BBS9: variants seen among roughly 807,000 people sequenced by gnomAD.
The protein encoded by BBS9 is protein PTHB1.
A neutral mutation model predicts 117.7 loss-of-function variants in BBS9; 89 were observed. The observed-to-expected ratio is 0.76, with a 90% CI of 0.64 to 0.90. BBS9 has a LOEUF of 0.90. Among genes scored for constraint, BBS9 ranks in the 40% least tolerant of loss-of-function variants. The pLI is 0.00. For missense variants in BBS9, 982 were observed against 1,042.2 expected, an observed-to-expected ratio of 0.94 and a Z score of 0.80; for synonymous variants, 379 against 370.9, an observed-to-expected ratio of 1.02 and a Z score of -0.25.
intron 8 of BBS9, 98 bp downstream of exon 8, chr7:33,273,293 G>T: frequency 8.0e-7 from 1 of 1,250,224 alleles, no homozygotes; most frequent in South Asian, 1.3e-5. Context: ...AAACATATAT[G>T]AAAACAGTTT....
chr7:33,151,850 CTTT>C (rs11346140), intron 2 of BBS9, among the ~76,000 whole-genome samples: 2 of 82,350 alleles, frequency 2.4e-5, no homozygotes, highest in African/African-American at 4.5e-5. Flanking sequence ...TGCACCCAGC[CTTT>C]TTTTTTTTTT....
chr7:33,327,012 C>T (rs1341844702), intron 9 of BBS9, among the ~76,000 whole-genome samples: 2 of 152,014 alleles, frequency 1.3e-5, no homozygotes, highest in East Asian at 3.9e-4. Flanking sequence ...AGTCTTTTGC[C>T]CTCCATGTCC....
At chr7:33,318,078 C>T (rs1022008057) in intron 9 of BBS9, among the ~76,000 whole-genome samples, 1 of 152,104 alleles carries the variant, frequency 6.6e-6, no homozygotes, top group Non-Finnish European at 1.5e-5. Context: ...CAGAACAAAA[C>T]AAAACTCTGT....
intron 20 of BBS9, among the ~76,000 whole-genome samples, chr7:33,515,555 G>A (rs1156455508): frequency 1.3e-5 from 2 of 152,214 alleles, no homozygotes; most frequent in Admixed American, 6.5e-5. Flanking sequence ...TACGTTGCCT[G>A]AAGTTAAGAA....
intron 17 of BBS9, among the ~76,000 whole-genome samples, chr7:33,368,652 T>G (rs1250441107): frequency 6.7e-6 from 1 of 149,980 alleles, no homozygotes; most frequent in Non-Finnish European, 1.5e-5. Flanking sequence ...CTCAGGACAT[T>G]CCAATTAAAA....
intron 4 of BBS9, among the ~76,000 whole-genome samples, chr7:33,165,195 T>G (rs1795476119): frequency 6.6e-6 from 1 of 152,218 alleles, no homozygotes. Context: ...TGCCGAGAGA[T>G]CCGCTGTTAG....
chr7:33,527,053 G>C (rs1486314865), intron 20 of BBS9, among the ~76,000 whole-genome samples: 1 of 151,634 alleles, frequency 6.6e-6, no homozygotes, highest in South Asian at 2.1e-4. Flanking sequence ...TCCCAGTTAG[G>C]CTGCTCGGGG....
chr7:33,493,238 C>T (rs943880357), intron 19 of BBS9, among the ~76,000 whole-genome samples: 1 of 152,168 alleles, frequency 6.6e-6, no homozygotes, highest in Non-Finnish European at 1.5e-5. Context: ...CAAGTGATCG[C>T]CTGCCTTGGC....
chr7:33,258,325 A>C (rs1189705577), intron 6 of BBS9, among the ~76,000 whole-genome samples: 1 of 152,224 alleles, frequency 6.6e-6, no homozygotes, highest in Non-Finnish European at 1.5e-5. Flanking sequence ...ATCAGGCAAC[A>C]GATGTAAATT....
intron 14 of BBS9, 116 bp from the exon 15 acceptor site, chr7:33,352,743 A>C (rs1289207599): frequency 4.1e-6 from 5 of 1,231,284 alleles, no homozygotes; most frequent in Non-Finnish European, 6.0e-6. Flanking sequence ...GAGAATCTTG[A>C]AATTTTAATT....
At chr7:33,565,844 T>TATATA (rs5883407) in intron 21 of BBS9, among the ~76,000 whole-genome samples, 916 of 79,980 alleles carry the variant, frequency 0.011, 72 homozygotes, top group African/African-American at 0.035. Context: ...TATATACTGC[T>TATATA]TATATATATA....
chr7:33,587,054 G>A (rs1384125135), intron 21 of BBS9, among the ~76,000 whole-genome samples: 4 of 151,934 alleles, frequency 2.6e-5, no homozygotes, highest in African/African-American at 4.8e-5. Context: ...TAAAAATTGG[G>A]AACAAAAAAG....
chr7:33,530,467 T>C (rs1182654268), intron 20 of BBS9, among the ~76,000 whole-genome samples: 2 of 152,232 alleles, frequency 1.3e-5, no homozygotes, highest in Non-Finnish European at 2.9e-5. Context: ...ATTTTAATGC[T>C]GAAATGACTG....
intron 19 of BBS9, among the ~76,000 whole-genome samples, chr7:33,392,111 C>T (rs907882352): frequency 6.6e-6 from 1 of 152,222 alleles, no homozygotes; most frequent in Non-Finnish European, 1.5e-5. Context: ...CTTAGTGTCT[C>T]AGCCCCTGCT....
At chr7:33,540,205 G>A (rs909913276) in intron 21 of BBS9, among the ~76,000 whole-genome samples, 5 of 152,184 alleles carry the variant, frequency 3.3e-5, no homozygotes, top group African/African-American at 9.7e-5. Flanking sequence ...TTTAAAAATA[G>A]TGTTGGAAAC....
chr7:33,595,578 C>T (rs1217426256), intron 21 of BBS9, among the ~76,000 whole-genome samples: 2 of 152,120 alleles, frequency 1.3e-5, no homozygotes, highest in Non-Finnish European at 2.9e-5. Context: ...CACTTTTACA[C>T]TGTCGGTGGG....
chr7:33,366,735 G>A (rs1202212530), intron 16 of BBS9, among the ~76,000 whole-genome samples: 3 of 151,586 alleles, frequency 2.0e-5, no homozygotes, highest in Non-Finnish European at 2.9e-5. Flanking sequence ...TAGTAGAGAT[G>A]GGGTTTCACT....
At chr7:33,575,009 T>C (rs1585320269) in intron 21 of BBS9, among the ~76,000 whole-genome samples, 1 of 152,228 alleles carries the variant, frequency 6.6e-6, no homozygotes, top group South Asian at 2.1e-4. Context: ...GTGGGGCTTT[T>C]ATCTGGCTTC....
At chr7:33,406,542 C>A (rs1164672542) in intron 19 of BBS9, among the ~76,000 whole-genome samples, 1 of 152,072 alleles carries the variant, frequency 6.6e-6, no homozygotes, top group Non-Finnish European at 1.5e-5. Context: ...ATGGTCTTTA[C>A]ATTTTGGCAT....
Sources: gnomAD v4.1 joint callset for allele counts (sites outside exome capture counted in the v4.1 genomes callset) on GRCh38, gnomAD v4.1.1 for gene constraint, MANE v1.5 for transcripts, NCBI Gene and HGNC (gene_info 2026-07-23, HGNC 2026-07-21) for gene names.